NFASC: variants seen among roughly 807,000 people sequenced by gnomAD.
The protein encoded by NFASC is neurofascin.
Under a neutral mutation model 147.5 loss-of-function variants are expected in NFASC, and 43 were observed. The ratio of observed to expected loss-of-function variants is 0.29; its 90% CI spans 0.23 to 0.38. The LOEUF (loss-of-function observed/expected upper bound fraction) is 0.38. NFASC is among the 10% of genes least tolerant of loss of function. NFASC has a pLI of 1.00. For missense variants in NFASC, 1,320 were observed against 1,689.0 expected, an observed-to-expected ratio of 0.78 and a Z score of 3.83; for synonymous variants, 622 against 665.5, an observed-to-expected ratio of 0.93 and a Z score of 1.01.
Position 204,944,090 on chromosome 1 carries a change from G to T in NFASC, c.-90-136G>T, listed in dbSNP as rs1252023202. 10 of 747,424 alleles carry T rather than the reference G, an allele frequency of 1.3e-5. No homozygotes were observed. In the East Asian group the frequency reaches 1.3e-4, roughly 10 times the overall value. 46.3% of individuals were successfully genotyped at this position (747,424 alleles called of 1,614,324 possible). ...AGTCCCACGTGTCAGTAGTGTTGAG[G>T]TTAAGAAACTCTGCTCTATCTAGAA... On this transcript the variant is annotated intron_variant, in intron 2 of 29. Coordinates refer to ENST00000339876, the MANE Select transcript of NFASC (RefSeq NM_001005388.3).
intron 24 of NFASC, among the ~76,000 whole-genome samples, chr1:204,993,026 A>G (rs1014727974): frequency 3.3e-5 from 5 of 152,196 alleles, no homozygotes; most frequent in African/African-American, 1.2e-4. Flanking sequence ...TGTGCTGATA[A>G]CATCAGCTGT....
At chr1:204,914,392 C>T (rs1459011060) in intron 1 of NFASC, among the ~76,000 whole-genome samples, 1 of 152,110 alleles carries the variant, frequency 6.6e-6, no homozygotes, top group East Asian at 1.9e-4. Flanking sequence ...GGGGCTTCTC[C>T]CTTCACTCAG....
intron 1 of NFASC, among the ~76,000 whole-genome samples, chr1:204,882,048 A>G (rs1308424666): frequency 1.3e-5 from 2 of 152,084 alleles, no homozygotes; most frequent in African/African-American, 2.4e-5. Context: ...CTTCTTGGCT[A>G]TAAATTCCCA....
intron 24 of NFASC, chr1:204,993,874 A>C: frequency 2.1e-6 from 1 of 471,948 alleles, no homozygotes; most frequent in Non-Finnish European, 4.3e-6. Flanking sequence ...AAATAATCTG[A>C]ATCTCCTTAG....
intron 3 of NFASC, among the ~76,000 whole-genome samples, chr1:204,945,730 C>T (rs2093680338): frequency 6.6e-6 from 1 of 152,188 alleles, no homozygotes. Context: ...TGTGAAAGGA[C>T]CTGTTCCCAT....
chr1:204,908,900 A>G (rs1000900750), intron 1 of NFASC, among the ~76,000 whole-genome samples: 11 of 152,184 alleles, frequency 7.2e-5, no homozygotes, highest in Non-Finnish European at 1.6e-4. Context: ...TGCATATATC[A>G]CTAGTATAAA....
intron 1 of NFASC, among the ~76,000 whole-genome samples, chr1:204,912,884 T>C (rs1074103): frequency 0.21 from 32,484 of 151,532 alleles, 3,830 homozygotes; most frequent in Non-Finnish European, 0.27. Context: ...AAAAATTAGC[T>C]AAGCGTGGTG....
intron 1 of NFASC, among the ~76,000 whole-genome samples, chr1:204,845,016 C>T (rs569634130): frequency 6.6e-6 from 1 of 152,284 alleles, no homozygotes; most frequent in Admixed American, 6.5e-5. Flanking sequence ...CACTGTTTTA[C>T]TGGGGCCCAT....
chr1:204,853,299 G>T (rs1228813278), intron 1 of NFASC, among the ~76,000 whole-genome samples: 2 of 152,220 alleles, frequency 1.3e-5, no homozygotes, highest in Non-Finnish European at 2.9e-5. Flanking sequence ...AACATTTGCT[G>T]CAGATAATTG....
chr1:204,889,801 G>A (rs1039623158), intron 1 of NFASC, among the ~76,000 whole-genome samples: 12 of 152,192 alleles, frequency 7.9e-5, no homozygotes, highest in African/African-American at 1.9e-4. Flanking sequence ...TTTATCTGGC[G>A]GCTGGGAGCT....
rs1289750557 is a variant in NFASC, at chr1:204,860,229, T to A, written c.-200+31447T>A. 6.6e-5 allele frequency among the ~76,000 whole-genome samples: 10 copies of A among 152,234 alleles called. No homozygotes were observed. In the East Asian group the frequency reaches 1.9e-3, roughly 29 times the overall value. ...AGAGTCACCAAGAAAACTAGCTGTA[T>A]TGGAAATGTCTTCCTCTGGCTTATC... On this transcript the variant is annotated intron_variant, in intron 1 of 29. Coordinates refer to ENST00000339876, the MANE Select transcript of NFASC (RefSeq NM_001005388.3).
At chr1:204,893,315 A>G (rs2082753708) in intron 1 of NFASC, among the ~76,000 whole-genome samples, 1 of 152,224 alleles carries the variant, frequency 6.6e-6, no homozygotes. Context: ...AGCTGAAAAT[A>G]TAGATTTAAT....
Position 204,987,398 on chromosome 1 carries a change from C to T in NFASC, c.2471-20C>T. Reference sequence around the variant, plus strand: ...TGCCCCCTCCCCCTCATCTCCCCTGCTCTCTCCTCCTTCCCCAAGTACCCA... The same window carrying T: ...TGCCCCCTCCCCCTCATCTCCCCTGTTCTCTCCTCCTTCCCCAAGTACCCA... On this transcript the variant is annotated intron_variant, in intron 21 of 29. Transcript: ENST00000339876. The surrounding 1 kb of genome is among the most constrained non-coding windows in gnomAD (Gnocchi z 4.4). 6.2e-7 allele frequency: 1 copy of T among 1,611,626 alleles called. No individual in the cohort carries two copies. The highest frequency in any genetic ancestry group is 1.6e-4 in the Middle Eastern group (1 of 6,062).
chr1:204,900,539 CAGAT>C (rs773494172), intron 1 of NFASC, among the ~76,000 whole-genome samples: 1 of 152,154 alleles, frequency 6.6e-6, no homozygotes, highest in Non-Finnish European at 1.5e-5. Context: ...GTAAACAAAA[CAGAT>C]AGAATCGCTG....
At chr1:205,009,528 A>C in intron 27 of NFASC, 29 bp from the exon 28 acceptor site, 1 of 1,612,354 alleles carries the variant, frequency 6.2e-7, no homozygotes, top group South Asian at 1.1e-5. Flanking sequence ...GAAATCATTC[A>C]CGGGTTTGCT....
chr1:204,974,668 G>T lies in NFASC; in HGVS notation c.1403G>T (p.Gly468Val). 6.2e-7 allele frequency: 1 copy of T among 1,614,196 alleles called. No individual in the cohort carries two copies. The highest frequency in any genetic ancestry group is 8.5e-7 in the Non-Finnish European group (1 of 1,180,042). Residue 468 changes from glycine to valine, a missense_variant, in exon 14 of 30, where the codon GGG becomes GTG. Transcript: ENST00000339876. ...TGCTCTGTTGTGAGGTTTAAGAATGGGCAAGGAAGCAACCTGGATGGTGGC... is the reference window on the plus strand; with the variant it reads ...TGCTCTGTTGTGAGGTTTAAGAATGTGCAAGGAAGCAACCTGGATGGTGGC... ...PIPTLRWFKN[G>V]QGSNLDGGNY...
intron 2 of NFASC, among the ~76,000 whole-genome samples, chr1:204,925,009 G>A (rs1185224136): frequency 6.6e-6 from 1 of 152,200 alleles, no homozygotes; most frequent in East Asian, 1.9e-4. Flanking sequence ...TCGTGTAGCT[G>A]GGATTACAGG....
intron 1 of NFASC, among the ~76,000 whole-genome samples, chr1:204,873,676 TC>T (rs74638586): frequency 0.11 from 17,098 of 152,134 alleles, 1,729 homozygotes; most frequent in East Asian, 0.47. Flanking sequence ...CTGGGGGCCT[TC>T]CATTCTGAGG....
chr1:204,926,392 ATATATATATATATATTTTTT>A (rs2091511769), intron 2 of NFASC, among the ~76,000 whole-genome samples: 1 of 13,752 alleles, frequency 7.3e-5, no homozygotes, highest in Non-Finnish European at 2.1e-4. Context: ...ATATATATAT[ATATATATATATATATTTTTT>A]TTTTTTTTTT....
Sources: gnomAD v4.1 joint callset for allele counts (sites outside exome capture counted in the v4.1 genomes callset) on GRCh38, gnomAD v4.1.1 for gene constraint, Gnocchi (gnomAD v3.1) non-coding constraint, MANE v1.5 for transcripts, NCBI Gene and HGNC (gene_info 2026-07-23, HGNC 2026-07-21) for gene names.